DLGAP2: variants seen among roughly 807,000 people sequenced by gnomAD.
DLGAP2 encodes the protein DLG associated protein 2.
In DLGAP2, 26 loss-of-function variants were observed where a neutral mutation model predicts 100.3. The observed-to-expected ratio is 0.26, with a 90% CI of 0.19 to 0.36. DLGAP2 has a LOEUF of 0.36. Among genes scored for constraint, DLGAP2 ranks in the 10% least tolerant of loss-of-function variants. The pLI, the probability that DLGAP2 is intolerant of heterozygous loss-of-function variation, is 1.00. For synonymous variants in DLGAP2, 886 were observed against 630.1 expected (o/e 1.41, Z -6.08); for missense variants, 1,858 against 1,453.2 (o/e 1.28, Z -4.53).
intron 3 of DLGAP2, among the ~76,000 whole-genome samples, chr8:1,420,889 G>T (rs1015024655): frequency 2.0e-5 from 3 of 152,178 alleles, no homozygotes; most frequent in African/African-American, 7.2e-5. Context: ...CGTTGCCTGG[G>T]CTGCAGGTGT....
At chr8:1,383,740 T>G (rs1796147447) in intron 3 of DLGAP2, among the ~76,000 whole-genome samples, 1 of 152,200 alleles carries the variant, frequency 6.6e-6, no homozygotes, top group African/African-American at 2.4e-5. Context: ...AATGGCCACG[T>G]CAGAGCCTAT....
intron 9 of DLGAP2, among the ~76,000 whole-genome samples, 160 bp from the exon 10 acceptor site, chr8:1,669,583 G>A (rs1007008989): frequency 1.3e-5 from 2 of 152,352 alleles, no homozygotes; most frequent in African/African-American, 2.4e-5. Context: ...CTTGATTGCC[G>A]CTGGGGCGGC....
intron 3 of DLGAP2, chr8:1,381,006 A>T (rs1367068752): frequency 6.6e-6 from 1 of 150,386 alleles, no homozygotes; most frequent in African/African-American, 2.4e-5. Context: ...TACATTTGAT[A>T]TTTTTATATT....
intron 3 of DLGAP2, among the ~76,000 whole-genome samples, chr8:1,361,448 CTG>C (rs1563105356): frequency 6.6e-6 from 1 of 152,176 alleles, no homozygotes; most frequent in Non-Finnish European, 1.5e-5. Context: ...ACTCTAATCT[CTG>C]TAGTTTTTCC....
intron 3 of DLGAP2, among the ~76,000 whole-genome samples, chr8:1,277,887 C>T (rs892499997): frequency 6.6e-6 from 1 of 152,198 alleles, no homozygotes; most frequent in Non-Finnish European, 1.5e-5. Flanking sequence ...ATGTCCGTGA[C>T]AATGCTGACA....
At chr8:1,326,690 C>G (rs929885168) in intron 3 of DLGAP2, among the ~76,000 whole-genome samples, 3 of 152,228 alleles carry the variant, frequency 2.0e-5, no homozygotes, top group African/African-American at 7.2e-5. Flanking sequence ...CAGGAGCTTT[C>G]CATTTGGGAA....
chr8:976,041 A>G (rs1800154278), intron 2 of DLGAP2, among the ~76,000 whole-genome samples: 1 of 152,192 alleles, frequency 6.6e-6, no homozygotes, highest in Non-Finnish European at 1.5e-5. Context: ...TTATTTTCCT[A>G]TACACCAGCA....
chr8:1,407,910 A>G lies in DLGAP2; in HGVS notation c.107-93456A>G, dbSNP rs144417525. Among the ~76,000 whole-genome samples the G allele has an allele frequency of 4.5e-3, 677 of 151,808 alleles. 7 individuals carry two copies. Among genetic ancestry groups the G allele is most frequent in the African/African-American group, 0.016 (640 of 41,086 alleles). On this transcript the variant is annotated intron_variant, in intron 3 of 14. Coordinates refer to ENST00000637795, the MANE Select transcript of DLGAP2 (RefSeq NM_001346810.2). ...CTCTGGAGTCATGTATTGAGTGCTG[A>G]CTGAGTACCGCAGGGTCCACCTCAG...
intron 2 of DLGAP2, among the ~76,000 whole-genome samples, chr8:1,038,800 C>T (rs142479726): frequency 1.7e-3 from 259 of 152,208 alleles, no homozygotes; most frequent in Non-Finnish European, 2.8e-3. Context: ...ACTACGACCC[C>T]ACATTTGCTC....
intron 9 of DLGAP2, among the ~76,000 whole-genome samples, chr8:1,669,233 T>G (rs1798625815): frequency 6.6e-6 from 1 of 152,160 alleles, no homozygotes; most frequent in African/African-American, 2.4e-5. Context: ...ATCCATGGTT[T>G]CAGACCACAG....
chr8:1,495,115 T>G (rs956660555), intron 3 of DLGAP2, among the ~76,000 whole-genome samples: 1 of 152,120 alleles, frequency 6.6e-6, no homozygotes, highest in African/African-American at 2.4e-5. Flanking sequence ...TGCCCTCCCT[T>G]CCCTGCCAAG....
intron 2 of DLGAP2, among the ~76,000 whole-genome samples, chr8:1,227,155 T>TAGATAG (rs745892416): frequency 4.7e-5 from 6 of 126,778 alleles, no homozygotes; most frequent in African/African-American, 2.0e-4. Context: ...AACTGTGAGA[T>TAGATAG]ATATATATAT....
intron 3 of DLGAP2, among the ~76,000 whole-genome samples, chr8:1,279,554 C>G (rs532742061): frequency 6.6e-6 from 1 of 152,330 alleles, no homozygotes; most frequent in South Asian, 2.1e-4. Context: ...CTACCGTAAG[C>G]TTAGCAGTGG....
chr8:856,832 A>T (rs1797288036), intron 1 of DLGAP2, among the ~76,000 whole-genome samples: 1 of 152,220 alleles, frequency 6.6e-6, no homozygotes, highest in Admixed American at 6.5e-5. Flanking sequence ...CGCAGTCCCC[A>T]TCAGGATCCC....
At chr8:1,272,662 C>G (rs937635941) in intron 3 of DLGAP2, among the ~76,000 whole-genome samples, 2 of 152,092 alleles carry the variant, frequency 1.3e-5, no homozygotes, top group African/African-American at 4.8e-5. Context: ...ATGGGAGATT[C>G]GTTTGACAAC....
intron 3 of DLGAP2, among the ~76,000 whole-genome samples, chr8:1,426,346 G>C (rs1195689748): frequency 6.6e-6 from 1 of 152,188 alleles, no homozygotes; most frequent in African/African-American, 2.4e-5. Flanking sequence ...AGTCCATCTG[G>C]AGGGAAATGC....
intron 3 of DLGAP2, among the ~76,000 whole-genome samples, chr8:1,319,442 C>A (rs898400544): frequency 6.6e-6 from 1 of 152,218 alleles, no homozygotes; most frequent in Non-Finnish European, 1.5e-5. Flanking sequence ...CTCAGCCATC[C>A]TCTGTCTTCC....
chr8:797,382 A>G (rs990989698), intron 1 of DLGAP2, among the ~76,000 whole-genome samples: 2 of 152,222 alleles, frequency 1.3e-5, no homozygotes, highest in East Asian at 1.9e-4. Flanking sequence ...GCATGTATCA[A>G]TAGTTTCTTT....
At chr8:1,308,125 T>C (rs1209483064) in intron 3 of DLGAP2, among the ~76,000 whole-genome samples, 1 of 152,160 alleles carries the variant, frequency 6.6e-6, no homozygotes, top group Non-Finnish European at 1.5e-5. Context: ...AGCTTTCACC[T>C]CAAGTGGTCC....
Sources: gnomAD v4.1 joint callset for allele counts (sites outside exome capture counted in the v4.1 genomes callset) on GRCh38, gnomAD v4.1.1 for gene constraint, MANE v1.5 for transcripts, NCBI Gene and HGNC (gene_info 2026-07-23, HGNC 2026-07-21) for gene names.